The following NEDD8 variants were observed in gnomAD, a reference collection of about 807,000 sequenced individuals.
NEDD8 encodes ubiquitin-like protein NEDD8.
In NEDD8, 1 loss-of-function variant was observed where a neutral mutation model predicts 13.8. The observed-to-expected ratio is 0.07, with a 90% CI of 0.03 to 0.34. The LOEUF is 0.34. Ranked by LOEUF, NEDD8 falls within the 10% of genes least tolerant of loss-of-function variation. The pLI, the probability that NEDD8 is intolerant of heterozygous loss-of-function variation, is 0.99. For missense variants in NEDD8, 10 were observed against 95.2 expected (o/e 0.10, Z 3.73); for synonymous variants, 31 against 33.2 (o/e 0.93, Z 0.23).
intron 1 of NEDD8, among the ~76,000 whole-genome samples, chr14:24,225,535 AG>A (rs1330576004): frequency 6.6e-6 from 1 of 152,166 alleles, no homozygotes; most frequent in African/African-American, 2.4e-5. Flanking sequence ...ATCAGGTAAA[AG>A]GAGTTGGTGA....
At chr14:24,223,085 C>CAAAAAAAAAAAAAAAAAAAAAAAAAA (rs71426836) in intron 1 of NEDD8, among the ~76,000 whole-genome samples, 1 of 75,602 alleles carries the variant, frequency 1.3e-5, no homozygotes, top group Non-Finnish European at 2.5e-5. Context: ...GACTGCATTT[C>CAAAAAAAAAAAAAAAAAAAAAAAAAA]AAAAAAAAAA....
Position 24,218,417 on chromosome 14 carries a change from C to T in NEDD8, c.33G>A (p.Lys11=), listed in dbSNP as rs1391485768. 6.2e-7 allele frequency: 1 copy of T among 1,614,106 alleles called. No individual in the cohort carries two copies. Among genetic ancestry groups the T allele is most frequent in the East Asian group, 2.2e-5 (1 of 44,896 alleles). Residue 11 remains lysine, a synonymous_variant, in exon 2 of 4, where the codon AAG becomes AAA. Transcript: ENST00000250495. MLIKVKTLTG[K]EIEIDIEPTD... is the part of the protein sequence containing the mutation. ...TAGGTTCAATGTCAATCTCAATCTC[C>T]TTTCCGGTCAGCGTCTGAAACAGGC...
chr14:24,219,267 G>T (rs1052589629), intron 1 of NEDD8, among the ~76,000 whole-genome samples: 2 of 151,118 alleles, frequency 1.3e-5, no homozygotes, highest in Admixed American at 6.6e-5. Flanking sequence ...TTCCAGACCA[G>T]CCTGGACAAC....
intron 3 of NEDD8, 58 bp from the exon 4 acceptor site, chr14:24,217,281 T>C: frequency 8.0e-7 from 1 of 1,252,196 alleles, no homozygotes; most frequent in Non-Finnish European, 1.1e-6. Context: ...TTTTTTGTTG[T>C]TGTTGTTGTT....
At chr14:24,225,113 A>G (rs1410135409) in intron 1 of NEDD8, among the ~76,000 whole-genome samples, 1 of 149,982 alleles carries the variant, frequency 6.7e-6, no homozygotes, top group East Asian at 2.0e-4. Context: ...AAGTTGCAGT[A>G]GTGAGCCAAG....
intron 1 of NEDD8, among the ~76,000 whole-genome samples, chr14:24,224,171 C>T (rs1042842194): frequency 4.6e-5 from 7 of 152,174 alleles, no homozygotes; most frequent in Non-Finnish European, 7.3e-5. Flanking sequence ...CCTTGTGATC[C>T]GCCCGCCTCG....
At chr14:24,225,360 AAAAG>A (rs1292898974) in intron 1 of NEDD8, among the ~76,000 whole-genome samples, 2 of 152,192 alleles carry the variant, frequency 1.3e-5, no homozygotes, top group Non-Finnish European at 2.9e-5. Context: ...TGTTAATAAA[AAAAG>A]AGAGAGAGAC....
At chr14:24,220,100 T>C (rs1469131904) in intron 1 of NEDD8, among the ~76,000 whole-genome samples, 1 of 152,178 alleles carries the variant, frequency 6.6e-6, no homozygotes, top group African/African-American at 2.4e-5. Flanking sequence ...GATTGTGCCA[T>C]TGCACTCCAG....
intron 1 of NEDD8, among the ~76,000 whole-genome samples, chr14:24,225,262 G>C (rs532251205): frequency 1.3e-5 from 2 of 151,798 alleles, no homozygotes; most frequent in East Asian, 1.9e-4. Flanking sequence ...GAAAAAAATG[G>C]GAAAAAGGAG....
At chr14:24,230,690 C>G (rs2039983931) in intron 1 of NEDD8, among the ~76,000 whole-genome samples, 1 of 150,456 alleles carries the variant, frequency 6.6e-6, no homozygotes. Context: ...GCCATCTCAG[C>G]TCACTGCAAT....
chr14:24,230,944 C>T (rs1455056728), intron 1 of NEDD8, among the ~76,000 whole-genome samples: 1 of 149,684 alleles, frequency 6.7e-6, no homozygotes, highest in East Asian at 2.0e-4. Context: ...GTCTGGAGTG[C>T]AGTGGTGCCA....
intron 1 of NEDD8, among the ~76,000 whole-genome samples, chr14:24,223,996 C>T (rs1566666951): frequency 6.6e-6 from 1 of 151,962 alleles, no homozygotes; most frequent in Non-Finnish European, 1.5e-5. Flanking sequence ...AGCACGATCT[C>T]GGCTCACTGC....
Position 24,232,298 on chromosome 14 carries a change from A to G in NEDD8, c.-31T>C, listed in dbSNP as rs753072975. On this transcript the variant is annotated 5_prime_UTR_variant, in exon 1 of 4. Transcript: ENST00000250495. ...TTCCAGTTTGGGGCTGCACACGGAT[A>G]AATTGCTGCTCCTACCGCTCCGGTC... 1 of 1,612,172 alleles carries G rather than the reference A, an allele frequency of 6.2e-7. No homozygotes were observed. Among genetic ancestry groups the G allele is most frequent in the Non-Finnish European group, 8.5e-7 (1 of 1,179,540 alleles).
chr14:24,231,494 T>TG (rs34585547), intron 1 of NEDD8, among the ~76,000 whole-genome samples: 6,800 of 67,430 alleles, frequency 0.1, 220 homozygotes, highest in African/African-American at 0.12. Context: ...GAGGGGGGCG[T>TG]GGGGGGGGGG....
chr14:24,218,903 G>A (rs1479835840), intron 1 of NEDD8, among the ~76,000 whole-genome samples: 1 of 151,996 alleles, frequency 6.6e-6, no homozygotes, highest in Admixed American at 6.6e-5. Flanking sequence ...TGCGCTACCA[G>A]GCCTGGCTAA....
chr14:24,230,585 A>T (rs1408521753), intron 1 of NEDD8, among the ~76,000 whole-genome samples: 1 of 146,660 alleles, frequency 6.8e-6, no homozygotes, highest in Non-Finnish European at 1.5e-5. Context: ...CTAGCACTAT[A>T]TTATTTCCTA....
intron 1 of NEDD8, among the ~76,000 whole-genome samples, chr14:24,226,325 C>T (rs1048491440): frequency 6.6e-6 from 1 of 151,272 alleles, no homozygotes; most frequent in Non-Finnish European, 1.5e-5. Context: ...AACCCTGTCT[C>T]TACCAAAAAT....
intron 1 of NEDD8, chr14:24,231,809 C>T (rs1385116284): frequency 5.9e-6 from 1 of 168,720 alleles, no homozygotes; most frequent in East Asian, 1.7e-4. Flanking sequence ...TTGGGAGGCC[C>T]CGATTTTAGG....
chr14:24,218,050 C>A, intron 3 of NEDD8, 83 bp downstream of exon 3: 1 of 1,570,432 alleles, frequency 6.4e-7, no homozygotes, highest in Non-Finnish European at 8.7e-7. Flanking sequence ...AGAGGCACCC[C>A]TGATCCACCT....
Sources: gnomAD v4.1 joint callset for allele counts (sites outside exome capture counted in the v4.1 genomes callset) on GRCh38, gnomAD v4.1.1 for gene constraint, MANE v1.5 for transcripts, NCBI Gene and HGNC (gene_info 2026-07-23, HGNC 2026-07-21) for gene names.